Variants in DENND1A observed in about 807,000 individuals in gnomAD.
DENND1A encodes DENN domain-containing protein 1A.
DENND1A carries 51 observed loss-of-function variants against 113.7 expected under a neutral mutation model. The observed-to-expected ratio is 0.45, with a 90% confidence interval of 0.36 to 0.57. DENND1A has a LOEUF of 0.57. DENND1A is among the 20% of genes least tolerant of loss of function. DENND1A has a pLI of 0.00. For missense variants in DENND1A, 1,258 were observed against 1,395.9 expected (o/e 0.90, Z 1.57); for synonymous variants, 565 against 570.8 (o/e 0.99, Z 0.14).
At chr9:123,913,698 G>C (rs1854495561) in intron 1 of DENND1A, among the ~76,000 whole-genome samples, 1 of 152,002 alleles carries the variant, frequency 6.6e-6, no homozygotes, top group African/African-American at 2.4e-5. Flanking sequence ...CTGAGGTCAG[G>C]AGTTCGAGAC....
chr9:123,785,364 C>T (rs1370178134), intron 3 of DENND1A, among the ~76,000 whole-genome samples: 2 of 151,978 alleles, frequency 1.3e-5, no homozygotes, highest in East Asian at 3.9e-4. Flanking sequence ...CTCTAAAACA[C>T]AAAACCAAAC....
intron 5 of DENND1A, among the ~76,000 whole-genome samples, chr9:123,711,486 A>AT (rs1554970514): frequency 4.9e-5 from 5 of 101,790 alleles, no homozygotes; most frequent in South Asian, 3.1e-4. Flanking sequence ...TAAATTAAAA[A>AT]ATATATATAT....
chr9:123,831,295 C>A (rs889308673), intron 2 of DENND1A, among the ~76,000 whole-genome samples: 4 of 152,030 alleles, frequency 2.6e-5, no homozygotes, highest in East Asian at 3.9e-4. Flanking sequence ...ACAAAAGGAC[C>A]TACATTACAT....
At chr9:123,747,540 T>C (rs1589916657) in intron 5 of DENND1A, among the ~76,000 whole-genome samples, 2 of 152,278 alleles carry the variant, frequency 1.3e-5, no homozygotes, top group East Asian at 3.9e-4. Context: ...AGATCACTGG[T>C]AGATTCAAGT....
At chr9:123,743,193 T>A (rs998172075) in intron 5 of DENND1A, among the ~76,000 whole-genome samples, 4 of 151,702 alleles carry the variant, frequency 2.6e-5, no homozygotes, top group African/African-American at 9.7e-5. Context: ...TCACTTGAGG[T>A]CAGGAGTTCA....
At chr9:123,691,460 G>C (rs942325964) in intron 5 of DENND1A, among the ~76,000 whole-genome samples, 4 of 151,992 alleles carry the variant, frequency 2.6e-5, no homozygotes, top group Admixed American at 2.6e-4. Flanking sequence ...AAATTACAGA[G>C]GCAAAGAAAC....
chr9:123,899,908 A>C (rs1403664837), intron 1 of DENND1A, among the ~76,000 whole-genome samples: 1 of 152,206 alleles, frequency 6.6e-6, no homozygotes, highest in Non-Finnish European at 1.5e-5. Flanking sequence ...AAAGAGAATA[A>C]CCAGCTTATA....
chr9:123,519,404 C>G (rs1247196815), intron 13 of DENND1A, among the ~76,000 whole-genome samples: 1 of 151,904 alleles, frequency 6.6e-6, no homozygotes, highest in Non-Finnish European at 1.5e-5. Flanking sequence ...CTTTCAGATT[C>G]CATCCCCAGA....
At chr9:123,608,282 A>G (rs2060260104) in intron 11 of DENND1A, among the ~76,000 whole-genome samples, 1 of 152,118 alleles carries the variant, frequency 6.6e-6, no homozygotes, top group African/African-American at 2.4e-5. Flanking sequence ...AACTTCTTTC[A>G]TTTTCGTAAG....
chr9:123,881,989 G>T (rs1226516860), intron 1 of DENND1A, among the ~76,000 whole-genome samples: 1 of 152,020 alleles, frequency 6.6e-6, no homozygotes, highest in African/African-American at 2.4e-5. Flanking sequence ...CTTCCAGGAC[G>T]TTGCTCTCTG....
At chr9:123,560,082 T>C (rs147030356) in intron 12 of DENND1A, among the ~76,000 whole-genome samples, 3 of 152,260 alleles carry the variant, frequency 2.0e-5, no homozygotes, top group African/African-American at 7.2e-5. Flanking sequence ...TTTATCGATC[T>C]GTTCATCTGC....
At chr9:123,742,995 G>A (rs2069149813) in intron 5 of DENND1A, among the ~76,000 whole-genome samples, 1 of 152,140 alleles carries the variant, frequency 6.6e-6, no homozygotes. Context: ...TTACATCAAT[G>A]GTGCAGTGTA....
In DENND1A at chr9:123,888,189, G is replaced by A. The variant is rs554171881; in HGVS notation, c.18-9168C>T. On this transcript the variant is annotated intron_variant, in intron 1 of 23. Coordinates refer to ENST00000394215, the MANE Select transcript of DENND1A (RefSeq NM_001352964.2). Reference sequence around the variant, plus strand: ...GAACTTGGAACATTTTTTGTGCCAGGAAGCAAAGAAGTGCTCAAAGAATGA... The same window carrying A: ...GAACTTGGAACATTTTTTGTGCCAGAAAGCAAAGAAGTGCTCAAAGAATGA... Among the ~76,000 whole-genome samples the A allele has an allele frequency of 5.3e-5, 8 of 152,250 alleles. No homozygotes were observed. The South Asian group carries it at 1.7e-3, about 32-fold the overall frequency.
At chr9:123,439,861 A>G (rs2046797237) in intron 19 of DENND1A, 1 of 152,266 alleles carries the variant, frequency 6.6e-6, no homozygotes, top group Admixed American at 6.5e-5. Context: ...AGTTGAAAAC[A>G]GTTGCTTAAA....
chr9:123,750,069 C>T (rs2069875156), intron 5 of DENND1A, among the ~76,000 whole-genome samples: 1 of 152,192 alleles, frequency 6.6e-6, no homozygotes, highest in Admixed American at 6.5e-5. Context: ...AGTGGACAGC[C>T]TGAGGCTGGC....
At chr9:123,809,437 C>T (rs547521175) in intron 2 of DENND1A, among the ~76,000 whole-genome samples, 1 of 152,088 alleles carries the variant, frequency 6.6e-6, no homozygotes, top group African/African-American at 2.4e-5. Flanking sequence ...GTTTTTTTGA[C>T]TCTAAAATTC....
At chr9:123,568,005 G>T (rs892138706) in intron 12 of DENND1A, among the ~76,000 whole-genome samples, 5 of 152,188 alleles carry the variant, frequency 3.3e-5, no homozygotes. Context: ...TCACCACCAG[G>T]AGTTCAGATT....
At chr9:123,680,189 C>G (rs574649452) in intron 5 of DENND1A, among the ~76,000 whole-genome samples, 1 of 152,210 alleles carries the variant, frequency 6.6e-6, no homozygotes. Flanking sequence ...AAAGGAACAG[C>G]CTGCTCCCCA....
chr9:123,728,506 A>AACAAACAAAAAAAAAAAAAAAC (rs2067909310), intron 5 of DENND1A, among the ~76,000 whole-genome samples: 1 of 145,814 alleles, frequency 6.9e-6, no homozygotes, highest in African/African-American at 2.7e-5. Flanking sequence ...AAAAAAAAAA[A>AACAAACAAAAAAAAAAAAAAAC]AAAACAGGCA....
Sources: allele counts gnomAD v4.1 joint callset (sites outside exome capture counted in the v4.1 genomes callset), GRCh38; gene constraint gnomAD v4.1.1; transcripts MANE v1.5; gene names NCBI Gene and HGNC (gene_info 2026-07-23, HGNC 2026-07-21).